E2F3: variants seen among roughly 807,000 people sequenced by gnomAD.
E2F3 encodes the protein transcription factor E2F3.
A neutral mutation model predicts 44.4 loss-of-function variants in E2F3; 11 were observed. That is an observed-to-expected ratio of 0.25 (90% confidence interval 0.16 to 0.41). The LOEUF (loss-of-function observed/expected upper bound fraction) is 0.41. Ranked by LOEUF, E2F3 falls within the 10% of genes least tolerant of loss-of-function variation. The pLI is 1.00. For missense variants in E2F3, 487 were observed against 583.6 expected, an observed-to-expected ratio of 0.83 and a Z score of 1.70; for synonymous variants, 249 against 253.0, an observed-to-expected ratio of 0.98 and a Z score of 0.15.
chr6:20,402,489 C>T lies in E2F3; in HGVS notation c.257C>T (p.Pro86Leu), dbSNP rs1759336982. 2 of 1,607,564 alleles carry T rather than the reference C, an allele frequency of 1.2e-6. No homozygotes were observed. The highest frequency in any genetic ancestry group is 1.1e-5 in the South Asian group (1 of 91,038). ...GCCGTAGCCGCCGGCCCCCTCCTCCCCAGTGCCCCCGGCGCGGAGCAGACC... is the reference window on the plus strand; with the variant it reads ...GCCGTAGCCGCCGGCCCCCTCCTCCTCAGTGCCCCCGGCGCGGAGCAGACC... ...SGAVAAGPLLPSAPGAEQTAG... is the reference protein window; with the variant it reads ...SGAVAAGPLLLSAPGAEQTAG... Residue 86 changes from proline (P) to leucine (L), a missense_variant, in exon 1 of 7, where the codon CCC becomes CTC. This residue lies in a region of E2F3 where 238 missense variants were observed against 236.0 expected (regional missense o/e 1.01). Transcript: ENST00000346618. This position sits in a 1 kb window ranked among gnomAD's most constrained non-coding sequence, Gnocchi z 5.6.
chr6:20,490,059 T>G lies in E2F3; in HGVS notation c.1136-109T>G. 5.6e-6 allele frequency: 7 copies of G among 1,241,384 alleles called. 1 individual carries two copies. The South Asian group carries it at 1.1e-4, about 19-fold the overall frequency. The allele number at this position is 1,241,384 out of a possible 1,614,324, so 76.9% of individuals were successfully genotyped here. On this transcript the variant is annotated intron_variant, in intron 6 of 6. Coordinates refer to ENST00000346618, the MANE Select transcript of E2F3 (RefSeq NM_001949.5). The surrounding 1 kb of genome is among the most constrained non-coding windows in gnomAD (Gnocchi z 4.3). The stretch of plus-strand genomic sequence containing the variant: ...TCATAAAGTCGTCTCATTGTCATTA[T>G]TTGCGGAAGGTACATGCTTTTTTCT...
chr6:20,466,594 T>C (rs1761717863), intron 1 of E2F3, among the ~76,000 whole-genome samples: 1 of 152,200 alleles, frequency 6.6e-6, no homozygotes. Flanking sequence ...ATCCCATTTC[T>C]TAATAGCCAT....
chr6:20,426,373 A>G (rs1353844498), intron 1 of E2F3, among the ~76,000 whole-genome samples: 1 of 152,258 alleles, frequency 6.6e-6, no homozygotes, highest in Admixed American at 6.5e-5. Context: ...GTATTACACA[A>G]TAGAAGGCAC....
chr6:20,419,228 G>C (rs752570268), intron 1 of E2F3, among the ~76,000 whole-genome samples: 1 of 152,026 alleles, frequency 6.6e-6, no homozygotes, highest in Non-Finnish European at 1.5e-5. Flanking sequence ...GGTCATTTCT[G>C]TCATTTTTCA....
chr6:20,439,863 A>G lies in E2F3; in HGVS notation c.393+37238A>G, dbSNP rs371522189. The G allele has an allele frequency of 7.2e-5, 11 of 152,324 alleles. 1 individual carries two copies. In the East Asian group the frequency reaches 1.7e-3, roughly 24 times the overall value. 9.4% of individuals were successfully genotyped at this position (152,324 alleles called of 1,614,324 possible). On this transcript the variant is annotated intron_variant, in intron 1 of 6. Transcript: ENST00000346618. ...TTTTTCTTAAGAAAAAAGAGAATTCATACTTCATTTACCTGACAGTCCTCA... is the reference window on the plus strand; with the variant it reads ...TTTTTCTTAAGAAAAAAGAGAATTCGTACTTCATTTACCTGACAGTCCTCA...
chr6:20,409,326 A>G (rs1358570034), intron 1 of E2F3, among the ~76,000 whole-genome samples: 1 of 152,242 alleles, frequency 6.6e-6, no homozygotes, highest in Non-Finnish European at 1.5e-5. Flanking sequence ...GGAATTATTT[A>G]AAAAAGGAAA....
Position 20,402,310 on chromosome 6 carries a change from C to G in E2F3, c.78C>G (p.Ala26=). Residue 26 remains alanine (A), a synonymous_variant, in exon 1 of 7, where the codon GCC becomes GCG. Coordinates refer to ENST00000346618, the MANE Select transcript of E2F3 (RefSeq NM_001949.5). The surrounding 1 kb of genome is among the most constrained non-coding windows in gnomAD (Gnocchi z 5.6). ...AGGGEGAAVV[A]AAAAASMDKR... ...GTGGGGAGGGGGCGGCTGTCGTCGC[C>G]GCCGCCGCTGCAGCCTCCATGGACA... is the stretch of plus-strand genomic sequence containing the variant. 6.2e-7 allele frequency: 1 copy of G among 1,608,706 alleles called. No individual in the cohort carries two copies. The highest frequency in any genetic ancestry group is 8.5e-7 in the Non-Finnish European group (1 of 1,178,704).
chr6:20,453,994 T>C (rs1761227782), intron 1 of E2F3, among the ~76,000 whole-genome samples: 1 of 152,258 alleles, frequency 6.6e-6, no homozygotes, highest in African/African-American at 2.4e-5. Context: ...TTCTCCCTAG[T>C]GGAATGTTAA....
chr6:20,458,415 C>G (rs921306915), intron 1 of E2F3, among the ~76,000 whole-genome samples: 1 of 152,244 alleles, frequency 6.6e-6, no homozygotes, highest in East Asian at 1.9e-4. Context: ...CAATACCTAC[C>G]AGAGTTGGTT....
chr6:20,445,715 C>T (rs1760923042), intron 1 of E2F3, among the ~76,000 whole-genome samples: 1 of 152,126 alleles, frequency 6.6e-6, no homozygotes, highest in Non-Finnish European at 1.5e-5. Context: ...AATGAGATAT[C>T]ATGAAAGCAA....
In E2F3 at chr6:20,408,252, G is replaced by A. The variant is rs72828437; in HGVS notation, c.393+5627G>A. ...GGCTTCAGAAAGTGACGAGGAAAAT[G>A]TATCTTTCACAAAGAAAAGTTATAC... On this transcript the variant is annotated intron_variant, in intron 1 of 6. Transcript: ENST00000346618. 5.3e-5 allele frequency among the ~76,000 whole-genome samples: 8 copies of A among 152,268 alleles called. No homozygotes were observed. The East Asian group carries it at 1.2e-3, about 22-fold the overall frequency.
At chr6:20,466,677 G>A (rs904349041) in intron 1 of E2F3, among the ~76,000 whole-genome samples, 2 of 134,210 alleles carry the variant, frequency 1.5e-5, no homozygotes, top group African/African-American at 2.9e-5. Context: ...CATCCCTATC[G>A]GTGTGTTCTT....
chr6:20,408,241 AC>A (rs1035813424), intron 1 of E2F3, among the ~76,000 whole-genome samples: 4 of 152,224 alleles, frequency 2.6e-5, no homozygotes, highest in Non-Finnish European at 5.9e-5. Flanking sequence ...TCAGAAAGTG[AC>A]GAGGAAAATG....
At chr6:20,444,675 C>T (rs1760882012) in intron 1 of E2F3, among the ~76,000 whole-genome samples, 1 of 152,114 alleles carries the variant, frequency 6.6e-6, no homozygotes, top group Admixed American at 6.6e-5. Flanking sequence ...CTTTTGTATC[C>T]TCACTCAGAA....
chr6:20,403,923 G>A, intron 1 of E2F3: 2 of 813,648 alleles, frequency 2.5e-6, no homozygotes, highest in East Asian at 3.3e-5. Context: ...GCGGTTGAGC[G>A]GGGTTTTGGA....
At chr6:20,448,691 T>C (rs916550364) in intron 1 of E2F3, among the ~76,000 whole-genome samples, 2 of 151,906 alleles carry the variant, frequency 1.3e-5, no homozygotes, top group South Asian at 2.1e-4. Flanking sequence ...GGGAGAAGAG[T>C]ATGTTGTATT....
chr6:20,458,967 G>A (rs1761405800), intron 1 of E2F3, among the ~76,000 whole-genome samples: 1 of 151,880 alleles, frequency 6.6e-6, no homozygotes, highest in African/African-American at 2.4e-5. Flanking sequence ...TTTCTTTAGT[G>A]ATATAGCCTG....
chr6:20,453,506 C>T lies in E2F3; in HGVS notation c.394-26340C>T, dbSNP rs146568483. ...GACGGCTCACTGCAGCCTCGACCTC[C>T]TGTGCTCAGGTGATTCTCTTGCCTC... On this transcript the variant is annotated intron_variant, in intron 1 of 6. Transcript: ENST00000346618. Among the ~76,000 whole-genome samples the T allele has an allele frequency of 2.0e-3, 301 of 152,246 alleles. 1 individual carries two copies. The highest frequency in any genetic ancestry group is 4.3e-3 in the Admixed American group (66 of 15,280).
intron 1 of E2F3, chr6:20,445,108 G>T: frequency 2.0e-6 from 2 of 985,416 alleles, no homozygotes; most frequent in Non-Finnish European, 2.4e-6. Flanking sequence ...TCGAGAGCGG[G>T]TCATGGTGAG....
Sources: gnomAD v4.1 joint callset for allele counts (sites outside exome capture counted in the v4.1 genomes callset) on GRCh38, gnomAD v4.1.1 for gene constraint, gnomAD v4.1.1 regional missense constraint, Gnocchi (gnomAD v3.1) non-coding constraint, MANE v1.5 for transcripts, NCBI Gene and HGNC (gene_info 2026-07-23, HGNC 2026-07-21) for gene names.